EPB41L3: variants seen among roughly 807,000 people sequenced by gnomAD.
EPB41L3 encodes band 4.1-like protein 3.
EPB41L3 carries 57 observed loss-of-function variants against 127.1 expected under a neutral mutation model. The ratio of observed to expected loss-of-function variants is 0.45; its 90% CI spans 0.36 to 0.56. EPB41L3 has a LOEUF of 0.56. EPB41L3 is among the 20% of genes least tolerant of loss of function. The pLI is 0.00. For synonymous variants in EPB41L3, 572 were observed against 549.5 expected (o/e 1.04, Z -0.57); for missense variants, 1,273 against 1,372.2 (o/e 0.93, Z 1.14).
chr18:5,579,373 T>C (rs905191304), intron 3 of EPB41L3, among the ~76,000 whole-genome samples: 1 of 152,210 alleles, frequency 6.6e-6, no homozygotes, highest in Non-Finnish European at 1.5e-5. Context: ...AGGTGGTTCA[T>C]AGGTGCTTCT....
At chr18:5,399,138 C>T in intron 16 of EPB41L3, 1 of 399,066 alleles carries the variant, frequency 2.5e-6, no homozygotes, top group Non-Finnish European at 4.4e-6. Flanking sequence ...AGTAACAATT[C>T]TCCCGGAGAC....
intron 1 of EPB41L3, among the ~76,000 whole-genome samples, chr18:5,506,443 T>G (rs2092208620): frequency 1.3e-5 from 2 of 152,176 alleles, no homozygotes. Flanking sequence ...ATGTCTTCCT[T>G]GGCTTATTCA....
Position 5,405,837 on chromosome 18 carries a change from C to A in EPB41L3, c.2349+940G>T, listed in dbSNP as rs866646034. ...CTATGTCTCAAAAAAAAAAAAAAAT[C>A]TCTTTAAATGTACAGCCAAAGAGTG... On this transcript the variant is annotated intron_variant, in intron 16 of 22. Transcript: ENST00000341928. Among the ~76,000 whole-genome samples, 54 of 148,260 alleles carry A rather than the reference C, an allele frequency of 3.6e-4. No individual in the cohort carries two copies. The South Asian group carries it at 6.9e-3, about 19-fold the overall frequency.
intron 3 of EPB41L3, among the ~76,000 whole-genome samples, chr18:5,572,668 G>A (rs1440856864): frequency 6.6e-6 from 1 of 152,088 alleles, no homozygotes; most frequent in Non-Finnish European, 1.5e-5. Flanking sequence ...TGAACTCCTG[G>A]GCTCAAGCAA....
At chr18:5,612,108 T>C (rs1377553133) in intron 3 of EPB41L3, among the ~76,000 whole-genome samples, 3 of 150,686 alleles carry the variant, frequency 2.0e-5, no homozygotes, top group African/African-American at 7.3e-5. Context: ...AAAAAACCAC[T>C]ACTATCAGAA....
rs868584043 is a variant in EPB41L3, at chr18:5,561,001, G to A, written c.-306+51339C>T. ...TTTATTTATTTATTTATTTTGAGAT[G>A]GAGTCTCGCTCTGTCGCCCAGGCTG... On this transcript the variant is annotated intron_variant, in intron 3 of 21. Coordinates refer to the EPB41L3 transcript ENST00000545076. Among the ~76,000 whole-genome samples the A allele has an allele frequency of 1.7e-3, 208 of 125,700 alleles. 9 individuals carry two copies. The highest frequency in any genetic ancestry group is 9.4e-3 in the Middle Eastern group (2 of 212). The allele number at this position is 125,700 out of a possible 152,430, so 82.5% of individuals were successfully genotyped here.
chr18:5,593,399 C>T (rs999363070), intron 3 of EPB41L3, among the ~76,000 whole-genome samples: 10 of 152,026 alleles, frequency 6.6e-5, no homozygotes, highest in African/African-American at 1.9e-4. Flanking sequence ...CCCCCTGAGC[C>T]GTAAAACCAG....
chr18:5,490,580 G>A (rs1468690120), intron 1 of EPB41L3, among the ~76,000 whole-genome samples: 1 of 152,152 alleles, frequency 6.6e-6, no homozygotes, highest in Non-Finnish European at 1.5e-5. Context: ...GTGCTTAGTT[G>A]CCCAAAGCAT....
chr18:5,580,124 A>G (rs1048697873), intron 3 of EPB41L3, among the ~76,000 whole-genome samples: 2 of 152,194 alleles, frequency 1.3e-5, no homozygotes. Flanking sequence ...AACGTCTAAG[A>G]TAAGTACACA....
chr18:5,555,603 T>A (rs550952833), intron 3 of EPB41L3, among the ~76,000 whole-genome samples: 1 of 152,254 alleles, frequency 6.6e-6, no homozygotes, highest in African/African-American at 2.4e-5. Context: ...CAAACCCTCT[T>A]GTCAGATCTA....
intron 1 of EPB41L3, among the ~76,000 whole-genome samples, chr18:5,534,041 T>C (rs181632412): frequency 1.3e-3 from 201 of 152,238 alleles, no homozygotes; most frequent in Admixed American, 9.8e-3. Context: ...CGGGCGCCTG[T>C]AGTCCCAGCT....
chr18:5,426,937 T>C (rs1033373461), intron 9 of EPB41L3, among the ~76,000 whole-genome samples: 4 of 152,226 alleles, frequency 2.6e-5, no homozygotes, highest in South Asian at 2.1e-4. Context: ...TTACAGATTA[T>C]TTCAGTTATC....
chr18:5,498,342 C>G (rs1490062358), intron 1 of EPB41L3, among the ~76,000 whole-genome samples: 1 of 152,106 alleles, frequency 6.6e-6, no homozygotes, highest in African/African-American at 2.4e-5. Flanking sequence ...GCCTGTAATT[C>G]CAACACTTTG....
Position 5,511,952 on chromosome 18 carries a change from T to C in EPB41L3, c.-11-22758A>G, listed in dbSNP as rs1486980482. On this transcript the variant is annotated intron_variant, in intron 1 of 22. Transcript: ENST00000341928. ...TCCAGAGTAAAGTAATATTTGAGAA[T>C]AACTACTTCAAAATCGCTTTCAATA... Among the ~76,000 whole-genome samples the C allele has an allele frequency of 5.9e-5, 9 of 152,236 alleles. No individual in the cohort carries two copies. In the South Asian group the frequency reaches 1.0e-3, roughly 18 times the overall value.
At chr18:5,559,976 T>C (rs887061073) in intron 3 of EPB41L3, among the ~76,000 whole-genome samples, 1 of 152,250 alleles carries the variant, frequency 6.6e-6, no homozygotes, top group Non-Finnish European at 1.5e-5. Flanking sequence ...CCTTCCTTTA[T>C]ATGATTTTTC....
intron 1 of EPB41L3, among the ~76,000 whole-genome samples, chr18:5,526,526 C>T (rs2093228185): frequency 6.6e-6 from 1 of 152,066 alleles, no homozygotes; most frequent in African/African-American, 2.4e-5. Context: ...GAAGAGAGAC[C>T]ATTCGATTTC....
intron 16 of EPB41L3, 59 bp from the exon 17 acceptor site, chr18:5,398,202 TA>T: frequency 6.3e-7 from 1 of 1,598,606 alleles, no homozygotes; most frequent in Non-Finnish European, 8.5e-7. Flanking sequence ...CTCAGGCACA[TA>T]AACATTCACA....
At chr18:5,511,248 A>G (rs2092495587) in intron 1 of EPB41L3, among the ~76,000 whole-genome samples, 1 of 151,544 alleles carries the variant, frequency 6.6e-6, no homozygotes, top group Admixed American at 6.6e-5. Flanking sequence ...AGACAGGAGG[A>G]AAAAACAAAG....
intron 3 of EPB41L3, among the ~76,000 whole-genome samples, chr18:5,576,305 G>T (rs1335983489): frequency 6.6e-5 from 10 of 152,152 alleles, no homozygotes; most frequent in Admixed American, 6.5e-4. Flanking sequence ...GAAAGTTAAT[G>T]TCAGAAAAAT....
Sources: allele counts gnomAD v4.1 joint callset (sites outside exome capture counted in the v4.1 genomes callset), GRCh38; gene constraint gnomAD v4.1.1; transcripts MANE v1.5; gene names NCBI Gene and HGNC (gene_info 2026-07-23, HGNC 2026-07-21).